LPAR3: variants seen among roughly 807,000 people sequenced by gnomAD.
The protein encoded by LPAR3 is lysophosphatidic acid receptor 3.
LPAR3 carries 7 observed loss-of-function variants against 17.8 expected under a neutral mutation model. The observed-to-expected ratio is 0.39, with a 90% CI of 0.22 to 0.74. The LOEUF is 0.74. Ranked by LOEUF, LPAR3 falls within the 30% of genes least tolerant of loss-of-function variation. The pLI, the probability that LPAR3 is intolerant of heterozygous loss-of-function variation, is 0.40. For missense variants in LPAR3, 391 were observed against 453.4 expected (o/e 0.86, Z 1.25); for synonymous variants, 179 against 179.9 (o/e 0.99, Z 0.04).
chr1:84,840,573 T>C (rs1193587174), intron 2 of LPAR3, among the ~76,000 whole-genome samples: 2 of 152,206 alleles, frequency 1.3e-5, no homozygotes, highest in Non-Finnish European at 2.9e-5. Context: ...TAAACTTTTA[T>C]GCATAAGGAC....
intron 2 of LPAR3, among the ~76,000 whole-genome samples, chr1:84,825,194 A>G (rs145727537): frequency 1.1e-4 from 17 of 152,326 alleles, no homozygotes; most frequent in Non-Finnish European, 2.1e-4. Flanking sequence ...CTGAGGAGAA[A>G]GACAAACATG....
At chr1:84,850,198 G>A (rs1313966444) in intron 2 of LPAR3, among the ~76,000 whole-genome samples, 2 of 151,874 alleles carry the variant, frequency 1.3e-5, no homozygotes, top group African/African-American at 2.4e-5. Flanking sequence ...TATGTAGCAG[G>A]CTGTCAGCAG....
chr1:84,890,255 A>G (rs1290902788), intron 1 of LPAR3, among the ~76,000 whole-genome samples: 1 of 152,136 alleles, frequency 6.6e-6, no homozygotes, highest in African/African-American at 2.4e-5. Context: ...GGCCAGGAAA[A>G]GAGAAAGCAA....
intron 1 of LPAR3, among the ~76,000 whole-genome samples, chr1:84,890,190 G>C (rs1214784231): frequency 6.6e-6 from 1 of 152,110 alleles, no homozygotes; most frequent in Non-Finnish European, 1.5e-5. Context: ...AGGCCGGAAA[G>C]GGGGAGGCTC....
chr1:84,827,471 AG>A (rs1659183875), intron 2 of LPAR3, among the ~76,000 whole-genome samples: 1 of 151,076 alleles, frequency 6.6e-6, no homozygotes. Flanking sequence ...TTAAAATAGA[AG>A]CATACCCTCC....
intron 1 of LPAR3, among the ~76,000 whole-genome samples, chr1:84,888,541 A>T (rs888829960): frequency 3.3e-5 from 5 of 152,172 alleles, no homozygotes; most frequent in Admixed American, 3.3e-4. Flanking sequence ...CTATCTTTGA[A>T]TTACATGGTC....
intron 2 of LPAR3, among the ~76,000 whole-genome samples, chr1:84,849,742 G>A (rs547722152): frequency 6.6e-5 from 10 of 152,270 alleles, no homozygotes; most frequent in Non-Finnish European, 1.3e-4. Flanking sequence ...AAAGATACCA[G>A]CCCTAGAAAA....
intron 1 of LPAR3, among the ~76,000 whole-genome samples, chr1:84,880,395 T>C (rs904274796): frequency 3.9e-5 from 6 of 152,182 alleles, no homozygotes; most frequent in South Asian, 2.1e-4. Flanking sequence ...ACGGAGGGCC[T>C]TGGAGAATCA....
At chr1:84,892,074 G>A (rs11161476) in intron 1 of LPAR3, among the ~76,000 whole-genome samples, 44,906 of 151,384 alleles carry the variant, frequency 0.3, 6,882 homozygotes, top group East Asian at 0.45. Flanking sequence ...TTAGCCTAGC[G>A]TGGTGGTGGG....
chr1:84,856,348 A>C (rs1416855665), intron 2 of LPAR3, among the ~76,000 whole-genome samples: 1 of 152,218 alleles, frequency 6.6e-6, no homozygotes, highest in Non-Finnish European at 1.5e-5. Flanking sequence ...GTGTGCCAAC[A>C]ATCTGTTCAT....
chr1:84,886,863 G>A (rs900334365), intron 1 of LPAR3, among the ~76,000 whole-genome samples: 1 of 152,150 alleles, frequency 6.6e-6, no homozygotes, highest in Non-Finnish European at 1.5e-5. Flanking sequence ...TGTGTTAAAA[G>A]GACACAGGAG....
chr1:84,865,991 T>C lies in LPAR3; in HGVS notation c.130A>G (p.Ile44Val), dbSNP rs1362846219. 1.2e-6 allele frequency: 2 copies of C among 1,613,714 alleles called. No homozygotes were observed. The highest frequency in any genetic ancestry group is 2.2e-5 in the East Asian group (1 of 44,882). The change falls in exon 2 of 3, where the codon ATT becomes GTT. Residue 44 changes from isoleucine to valine, a missense_variant. By Grantham distance (29) the Ile-to-Val change is conservative. Coordinates refer to ENST00000370611, the MANE Select transcript of LPAR3 (RefSeq NM_012152.3). The part of the protein sequence containing the change: ...LCVGTFFCLF[I>V]FFSNSLVIAA... The stretch of plus-strand genomic sequence containing the variant: ...ATGACCAGAGAATTAGAAAAAAAAA[T>C]AAACAGGCAGAAAAACGTCCCAACA...
At chr1:84,836,006 CTTTTTTTTTTTTTT>C (rs34491570) in intron 2 of LPAR3, among the ~76,000 whole-genome samples, 1 of 61,742 alleles carries the variant, frequency 1.6e-5, no homozygotes, top group Non-Finnish European at 2.8e-5. Flanking sequence ...CAACCCCGGC[CTTTTTTTTTTTTTT>C]TTTTTTTTTT....
chr1:84,816,389 C>A (rs1658932567), intron 2 of LPAR3, among the ~76,000 whole-genome samples: 1 of 152,232 alleles, frequency 6.6e-6, no homozygotes, highest in African/African-American at 2.4e-5. Flanking sequence ...TTAGCCTGAT[C>A]TTTCATTCAT....
chr1:84,835,545 A>G (rs1198696098), intron 2 of LPAR3, among the ~76,000 whole-genome samples: 1 of 152,136 alleles, frequency 6.6e-6, no homozygotes, highest in African/African-American at 2.4e-5. Context: ...TTGTTTTGGC[A>G]TAACATTTGA....
intron 1 of LPAR3, among the ~76,000 whole-genome samples, chr1:84,873,158 A>G (rs1660188660): frequency 6.6e-6 from 1 of 152,240 alleles, no homozygotes; most frequent in South Asian, 2.1e-4. Flanking sequence ...GGATCCCGGA[A>G]CACCGAAAGG....
At chr1:84,849,840 T>A (rs899517267) in intron 2 of LPAR3, among the ~76,000 whole-genome samples, 12 of 152,146 alleles carry the variant, frequency 7.9e-5, no homozygotes, top group Non-Finnish European at 1.8e-4. Context: ...ACCCTCATGA[T>A]CCCAGGAGAG....
intron 2 of LPAR3, among the ~76,000 whole-genome samples, chr1:84,833,240 A>C (rs1350838236): frequency 6.6e-6 from 1 of 152,144 alleles, no homozygotes; most frequent in East Asian, 1.9e-4. Context: ...CCCTAGGAAA[A>C]ACATTAAAAC....
intron 2 of LPAR3, among the ~76,000 whole-genome samples, chr1:84,854,315 C>T (rs1659775477): frequency 6.6e-6 from 1 of 152,146 alleles, no homozygotes; most frequent in Admixed American, 6.6e-5. Context: ...GGCTTATATT[C>T]TACCTTCTCA....
Sources: allele counts gnomAD v4.1 joint callset (sites outside exome capture counted in the v4.1 genomes callset), GRCh38; gene constraint gnomAD v4.1.1; transcripts MANE v1.5; gene names NCBI Gene and HGNC (gene_info 2026-07-23, HGNC 2026-07-21).